PPFIBP1: variants seen among roughly 807,000 people sequenced by gnomAD.
PPFIBP1 encodes PPFIB scaffold protein 1, also known as liprin-beta-1.
A neutral mutation model predicts 137.8 loss-of-function variants in PPFIBP1; 112 were observed. That is an observed-to-expected ratio of 0.81 (90% CI 0.70 to 0.95). The LOEUF (loss-of-function observed/expected upper bound fraction) is 0.95. Among genes scored for constraint, PPFIBP1 ranks in the 40% least tolerant of loss-of-function variants. The probability of loss-of-function intolerance (pLI) is 0.00; values close to 1 mark genes in which losing one functional copy is unlikely to be tolerated. For synonymous variants in PPFIBP1, 378 were observed against 417.3 expected, an observed-to-expected ratio of 0.91 and a Z score of 1.15; for missense variants, 1,083 against 1,196.6, an observed-to-expected ratio of 0.91 and a Z score of 1.40.
At chr12:27,562,009 C>T (rs1311726712) in intron 1 of PPFIBP1, among the ~76,000 whole-genome samples, 1 of 152,116 alleles carries the variant, frequency 6.6e-6, no homozygotes, top group Non-Finnish European at 1.5e-5. Flanking sequence ...GTGATTGCCA[C>T]AGCACTCCAG....
At chr12:27,674,600 A>G (rs2060388275) in intron 17 of PPFIBP1, among the ~76,000 whole-genome samples, 1 of 152,122 alleles carries the variant, frequency 6.6e-6, no homozygotes, top group Admixed American at 6.6e-5. Context: ...TTTTGTTATG[A>G]ATTTCACTTC....
At chr12:27,647,510 G>A (rs775456308) in intron 5 of PPFIBP1, among the ~76,000 whole-genome samples, 5 of 152,110 alleles carry the variant, frequency 3.3e-5, no homozygotes, top group Admixed American at 6.6e-5. Context: ...TAATCTACAC[G>A]AATTTTCTCC....
chr12:27,626,978 G>A (rs1253591744), intron 2 of PPFIBP1, among the ~76,000 whole-genome samples: 1 of 152,150 alleles, frequency 6.6e-6, no homozygotes, highest in Admixed American at 6.5e-5. Context: ...TAATTTTTAT[G>A]AGTACATAGT....
At chr12:27,682,885 G>A (rs900683179) in intron 24 of PPFIBP1, among the ~76,000 whole-genome samples, 182 bp downstream of exon 24, 1 of 152,182 alleles carries the variant, frequency 6.6e-6, no homozygotes, top group Non-Finnish European at 1.5e-5. Context: ...TTTGGTGATT[G>A]TGATTGAACA....
chr12:27,635,266 T>C, intron 4 of PPFIBP1, 151 bp downstream of exon 4: 1 of 741,086 alleles, frequency 1.3e-6, no homozygotes, highest in African/African-American at 1.8e-5. Flanking sequence ...TTCTTTTGAC[T>C]CTAAGGATAA....
intron 4 of PPFIBP1, 128 bp downstream of exon 4, chr12:27,635,243 A>G (rs2057573028): frequency 6.0e-6 from 5 of 836,306 alleles, no homozygotes; most frequent in Admixed American, 2.6e-5. Flanking sequence ...TTATTACTTA[A>G]GATATCTTAA....
chr12:27,575,943 A>G (rs1421954246), intron 1 of PPFIBP1, among the ~76,000 whole-genome samples: 1 of 152,236 alleles, frequency 6.6e-6, no homozygotes, highest in Non-Finnish European at 1.5e-5. Flanking sequence ...TACTTAAACA[A>G]GTCCTATGAT....
chr12:27,600,230 G>A (rs1339702173), intron 2 of PPFIBP1, among the ~76,000 whole-genome samples: 1 of 152,078 alleles, frequency 6.6e-6, no homozygotes, highest in African/African-American at 2.4e-5. Flanking sequence ...CTGAGGTCAG[G>A]AGTTTGAGAC....
chr12:27,645,317 T>A (rs1029725358), intron 4 of PPFIBP1, among the ~76,000 whole-genome samples: 19 of 152,246 alleles, frequency 1.2e-4, no homozygotes, highest in African/African-American at 4.6e-4. Context: ...TTTGTGAGCC[T>A]CTTTGTGTGT....
At chr12:27,594,177 T>A in intron 2 of PPFIBP1, 1 of 253,250 alleles carries the variant, frequency 3.9e-6, no homozygotes, top group Non-Finnish European at 7.0e-6. Context: ...CTTTTCTATT[T>A]TTTTTTTTTT....
chr12:27,676,830 C>A, intron 18 of PPFIBP1: 1 of 720,260 alleles, frequency 1.4e-6, no homozygotes, highest in Non-Finnish European at 2.4e-6. Flanking sequence ...GCGGAAAGAC[C>A]TAAAATCATG....
intron 1 of PPFIBP1, among the ~76,000 whole-genome samples, chr12:27,529,413 G>A (rs1220283945): frequency 6.6e-6 from 1 of 152,132 alleles, no homozygotes; most frequent in African/African-American, 2.4e-5. Flanking sequence ...AAGTGGCCAG[G>A]CTGGACGCGA....
chr12:27,670,595 G>A (rs369990818), intron 13 of PPFIBP1, among the ~76,000 whole-genome samples: 2 of 152,126 alleles, frequency 1.3e-5, no homozygotes, highest in East Asian at 3.9e-4. Context: ...GGGCAACATA[G>A]GGAAACCGTG....
intron 24 of PPFIBP1, among the ~76,000 whole-genome samples, chr12:27,686,104 T>C (rs762689740): frequency 2.0e-5 from 3 of 152,160 alleles, no homozygotes; most frequent in Admixed American, 6.5e-5. Context: ...CAATCCTAGA[T>C]TAAAATAAGT....
chr12:27,655,761 T>C (rs2059159070), intron 8 of PPFIBP1, among the ~76,000 whole-genome samples: 1 of 152,214 alleles, frequency 6.6e-6, no homozygotes, highest in South Asian at 2.1e-4. Context: ...CCTCACTTCA[T>C]TGGAGAACTA....
At chr12:27,638,804 GA>G (rs1289522088) in intron 4 of PPFIBP1, among the ~76,000 whole-genome samples, 2 of 152,108 alleles carry the variant, frequency 1.3e-5, no homozygotes, top group African/African-American at 4.8e-5. Flanking sequence ...GGATATTTTA[GA>G]AAAACTTAAA....
chr12:27,608,882 G>T, intron 2 of PPFIBP1: 2 of 195,682 alleles, frequency 1.0e-5, no homozygotes, highest in Non-Finnish European at 2.2e-5. Context: ...GCTTTCATTT[G>T]TTTTTTTGTT....
intron 1 of PPFIBP1, among the ~76,000 whole-genome samples, chr12:27,550,992 T>TATA (rs1491167502): frequency 0.17 from 15,215 of 88,766 alleles, 970 homozygotes; most frequent in South Asian, 0.36. Context: ...TATATATATA[T>TATA]TTTTTTTTTT....
chr12:27,567,462 A>G (rs2049777827), intron 1 of PPFIBP1, among the ~76,000 whole-genome samples: 1 of 152,252 alleles, frequency 6.6e-6, no homozygotes, highest in Admixed American at 6.5e-5. Context: ...GGAATATGAT[A>G]ATAGTCTTAC....
Sources: gnomAD v4.1 joint callset for allele counts (sites outside exome capture counted in the v4.1 genomes callset) on GRCh38, gnomAD v4.1.1 for gene constraint, MANE v1.5 for transcripts, NCBI Gene and HGNC (gene_info 2026-07-23, HGNC 2026-07-21) for gene names.